The following PLXNA4 variants were observed in gnomAD, a reference collection of about 807,000 sequenced individuals.
PLXNA4 encodes plexin-A4.
Under a neutral mutation model 191.8 loss-of-function variants are expected in PLXNA4, and 44 were observed. That is an observed-to-expected ratio of 0.23 (90% confidence interval 0.18 to 0.29). The LOEUF (loss-of-function observed/expected upper bound fraction) is 0.29, where lower values mean the gene tolerates loss of function less well. Ranked by LOEUF, PLXNA4 falls within the 10% of genes least tolerant of loss-of-function variation. The pLI is 1.00. For synonymous variants in PLXNA4, 1,082 were observed against 1,009.5 expected (o/e 1.07, Z -1.36); for missense variants, 1,800 against 2,488.8 (o/e 0.72, Z 5.89).
chr7:132,529,311 TC>T (rs1321145292), intron 1 of PLXNA4, among the ~76,000 whole-genome samples: 1 of 152,190 alleles, frequency 6.6e-6, no homozygotes, highest in Non-Finnish European at 1.5e-5. Flanking sequence ...CCTCAAATCC[TC>T]CCTACTCTGC....
chr7:132,164,040 G>C, intron 24 of PLXNA4, 102 bp downstream of exon 24: 1 of 1,526,932 alleles, frequency 6.5e-7, no homozygotes, highest in Non-Finnish European at 8.8e-7. Flanking sequence ...CACCTGGAGA[G>C]GCAGCTGTTC....
chr7:132,220,089 A>G (rs1490466165), intron 9 of PLXNA4, among the ~76,000 whole-genome samples: 8 of 152,214 alleles, frequency 5.3e-5, no homozygotes, highest in African/African-American at 1.9e-4. Context: ...TAGAATGTAA[A>G]AATATAGCAA....
In PLXNA4 at chr7:132,526,432, T is replaced by C. The variant is rs141955390; in HGVS notation, c.-86-17653A>G. Among the ~76,000 whole-genome samples, 1,009 of 152,250 alleles carry C rather than the reference T, an allele frequency of 6.6e-3. 14 individuals are homozygous for C. Among genetic ancestry groups the C allele is most frequent in the African/African-American group, 0.023 (959 of 41,540 alleles). The stretch of plus-strand genomic sequence containing the variant: ...AAGAAATCTGACAGGAAAACAAATG[T>C]AGAGAAAGGAGGAAGGATAAAATGA... On this transcript the variant is annotated intron_variant, in intron 1 of 31. Coordinates refer to ENST00000321063, the MANE Select transcript of PLXNA4 (RefSeq NM_020911.2).
chr7:132,550,565 A>T (rs946959507), intron 1 of PLXNA4, among the ~76,000 whole-genome samples: 1 of 152,200 alleles, frequency 6.6e-6, no homozygotes, highest in African/African-American at 2.4e-5. Flanking sequence ...CAGCTAATTT[A>T]AAAAATCAGC....
intron 2 of PLXNA4, among the ~76,000 whole-genome samples, chr7:132,606,880 G>A (rs1170738495): frequency 2.6e-5 from 4 of 152,090 alleles, no homozygotes; most frequent in African/African-American, 7.2e-5. Flanking sequence ...AGCAAATCAC[G>A]GGAAACAAGC....
chr7:132,366,826 A>G (rs1184984296), intron 3 of PLXNA4, among the ~76,000 whole-genome samples: 3 of 152,164 alleles, frequency 2.0e-5, no homozygotes, highest in Non-Finnish European at 4.4e-5. Flanking sequence ...CAGTAGTGCA[A>G]TCATAGCTCA....
At position 132,507,733 on chromosome 7, in the gene PLXNA4, C is replaced by T. The variant is rs147620882; in HGVS notation, c.961G>A (p.Val321Met). 120 of 1,614,186 alleles carry T rather than the reference C, an allele frequency of 7.4e-5. No individual in the cohort carries two copies. The East Asian group carries it at 2.0e-3, about 26-fold the overall frequency. ...TGGACTCCAAGGGTCCTGCCAAGCA[C>T]GGCCCCCGCTTTGGACAGGTAGGCA... ...QAAYLSKAGAVLGRTLGVHPD... is the reference protein window; with the variant it reads ...QAAYLSKAGAMLGRTLGVHPD... Residue 321 changes from valine to methionine, a missense_variant, in exon 2 of 32, where the codon GTG becomes ATG. Val to Met is a conservative substitution (Grantham distance 21). Around this residue, in one of 6 missense-constraint regions of PLXNA4, gnomAD observed 1,397 missense variants for 1,880.4 expected, o/e 0.74. Coordinates refer to ENST00000321063, the MANE Select transcript of PLXNA4 (RefSeq NM_020911.2).
chr7:132,315,689 G>A (rs1220883948), intron 3 of PLXNA4, among the ~76,000 whole-genome samples: 1 of 152,230 alleles, frequency 6.6e-6, no homozygotes, highest in Non-Finnish European at 1.5e-5. Context: ...GGTGGCCATG[G>A]AGAGGAAGCA....
intron 3 of PLXNA4, among the ~76,000 whole-genome samples, chr7:132,470,803 AG>A (rs1476008890): frequency 6.6e-6 from 1 of 152,212 alleles, no homozygotes; most frequent in Non-Finnish European, 1.5e-5. Flanking sequence ...GGTGGCCTTT[AG>A]AAGCTGAAAA....
chr7:132,623,346 C>CAAAA lies in PLXNA4; in HGVS notation c.-87+22578_-87+22581dup, dbSNP rs34787394. ...GGGTGACAAGAGCAAAATTCCATCTCAAAAAATAAAATAAAATAAAGAAAG... is the reference window on the plus strand; with the variant it reads ...GGGTGACAAGAGCAAAATTCCATCTCAAAAAAAAAATAAAATAAAATAAAGAAAG... On this transcript the variant is annotated intron_variant, in intron 2 of 4. Transcript: ENST00000378539. Among the ~76,000 whole-genome samples, 8 of 147,968 alleles carry CAAAA rather than the reference C, an allele frequency of 5.4e-5. 1 individual carries two copies. The highest frequency in any genetic ancestry group is 2.0e-4 in the African/African-American group (8 of 39,674).
chr7:132,132,484 TCTGC>T (rs1400481579), intron 31 of PLXNA4, among the ~76,000 whole-genome samples: 28 of 51,020 alleles, frequency 5.5e-4, no homozygotes, highest in African/African-American at 1.4e-3. Flanking sequence ...TCTGCTCTGC[TCTGC>T]TCTATTCTTT....
intron 3 of PLXNA4, among the ~76,000 whole-genome samples, chr7:132,482,597 C>T (rs1339350487): frequency 1.3e-5 from 2 of 152,046 alleles, no homozygotes; most frequent in South Asian, 2.1e-4. Context: ...TTCAAAGCCT[C>T]TAAGTTCTGG....
chr7:132,528,527 A>G (rs1479372210), intron 1 of PLXNA4, among the ~76,000 whole-genome samples: 3 of 152,224 alleles, frequency 2.0e-5, no homozygotes, highest in Admixed American at 2.0e-4. Context: ...TCTCCCTGCC[A>G]GTGATGAGTT....
At chr7:132,563,348 TTTCTCCTCCTTC>T (rs1801442878) in intron 1 of PLXNA4, among the ~76,000 whole-genome samples, 1 of 21,650 alleles carries the variant, frequency 4.6e-5, no homozygotes, top group African/African-American at 1.9e-4. Flanking sequence ...TCTCCTCCTC[TTTCTCCTCCTTC>T]TCCTCCTCCT....
At chr7:132,193,955 C>A (rs1048382994) in intron 14 of PLXNA4, 107 bp downstream of exon 14, 5 of 1,424,648 alleles carry the variant, frequency 3.5e-6, no homozygotes, top group Admixed American at 4.5e-5. Flanking sequence ...GGTTGCAGGG[C>A]AGGCCCTTGC....
chr7:132,445,083 A>G (rs1225522541), intron 3 of PLXNA4, among the ~76,000 whole-genome samples: 1 of 131,412 alleles, frequency 7.6e-6, no homozygotes, highest in African/African-American at 2.8e-5. Flanking sequence ...TGAACCCAGG[A>G]GGCGGAGCTT....
intron 4 of PLXNA4, among the ~76,000 whole-genome samples, chr7:132,244,724 C>T (rs566074602): frequency 6.6e-6 from 1 of 152,360 alleles, no homozygotes; most frequent in South Asian, 2.1e-4. Flanking sequence ...GCCTCCCAGA[C>T]TGGCTGCACA....
chr7:132,233,938 A>G (rs1351090707), intron 5 of PLXNA4, among the ~76,000 whole-genome samples: 5 of 152,220 alleles, frequency 3.3e-5, no homozygotes, highest in African/African-American at 1.2e-4. Context: ...ACCAAATTAC[A>G]TGTAGCAGCT....
chr7:132,130,653 G>A, intron 31 of PLXNA4, 79 bp from the exon 32 acceptor site: 1 of 1,601,174 alleles, frequency 6.2e-7, no homozygotes, highest in Non-Finnish European at 8.5e-7. Context: ...AAGATGGTGT[G>A]GATGTGGTCA....
Sources: gnomAD v4.1 joint callset for allele counts (sites outside exome capture counted in the v4.1 genomes callset) on GRCh38, gnomAD v4.1.1 for gene constraint, gnomAD v4.1.1 regional missense constraint, MANE v1.5 for transcripts, NCBI Gene and HGNC (gene_info 2026-07-23, HGNC 2026-07-21) for gene names.